The following ADAM20 variants were observed in gnomAD, a reference collection of about 807,000 sequenced individuals.
ADAM20 encodes ADAM metallopeptidase domain 20.
For missense variants in ADAM20, 871 were observed against 883.2 expected (o/e 0.99, Z 0.18); for synonymous variants, 305 against 310.2 (o/e 0.98, Z 0.18).
chr14:70,525,203 TG>T (rs1883563177), intron 1 of ADAM20, among the ~76,000 whole-genome samples: 1 of 152,116 alleles, frequency 6.6e-6, no homozygotes, highest in African/African-American at 2.4e-5. Context: ...TTTTAATGTA[TG>T]TATTTCTTTT....
chr14:70,571,932 A>C, the ADAM20 span, among the ~76,000 whole-genome samples: 3 of 152,346 alleles, frequency 2.0e-5, no homozygotes, highest in Middle Eastern at 6.8e-3. Context: ...AGAAGGCGAA[A>C]GACCTCTACA....
At chr14:70,528,118 A>G (rs922421245) in intron 1 of ADAM20, among the ~76,000 whole-genome samples, 1 of 152,240 alleles carries the variant, frequency 6.6e-6, no homozygotes, top group African/African-American at 2.4e-5. Context: ...AGAAAAATAT[A>G]GCAGAAATAT....
At position 70,524,460 on chromosome 14, in the gene ADAM20, G is replaced by C. The variant is rs1883538670; in HGVS notation, c.298C>G (p.Gln100Glu). 6.2e-7 allele frequency: 1 copy of C among 1,613,846 alleles called. No homozygotes were observed. Among genetic ancestry groups the C allele is most frequent in the Non-Finnish European group, 8.5e-7 (1 of 1,179,922 alleles). ...TCATCCTGGATGAAGGGCTGATCCT[G>C]GAGCAGGGCATGCTGCTCTGTGTAG... ...FTYTEQHALLQDQPFIQDDCY... is the reference protein window; with the variant it reads ...FTYTEQHALLEDQPFIQDDCY... Residue 100 changes from glutamine to glutamate, a missense_variant, in exon 2 of 2, where the codon CAG becomes GAG. Physicochemically the swap from Gln to Glu is conservative, Grantham distance 29. Coordinates refer to ENST00000256389, the MANE Select transcript of ADAM20 (RefSeq NM_003814.5).
At chr14:70,579,287 AAT>A in the ADAM20 span, among the ~76,000 whole-genome samples, 1 of 152,142 alleles carries the variant, frequency 6.6e-6, no homozygotes, top group Admixed American at 6.6e-5. Flanking sequence ...GTGCAGAAAT[AAT>A]TTACATTCCC....
the ADAM20 span, among the ~76,000 whole-genome samples, chr14:70,574,914 C>T: frequency 6.6e-6 from 1 of 151,636 alleles, no homozygotes; most frequent in Non-Finnish European, 1.5e-5. Context: ...GGGCATTATG[C>T]TAAGTAAAAA....
chr14:70,575,049 C>T, the ADAM20 span, among the ~76,000 whole-genome samples: 1 of 151,796 alleles, frequency 6.6e-6, no homozygotes, highest in African/African-American at 2.4e-5. Flanking sequence ...GGGGAAGAAA[C>T]ATGAAATTGT....
At position 70,523,132 on chromosome 14, in the gene ADAM20, A is replaced by G; in HGVS notation, c.1626T>C (p.Gly542=). The G allele has an allele frequency of 6.2e-7, 1 of 1,614,004 alleles. No homozygotes were observed. The highest frequency in any genetic ancestry group is 8.5e-7 in the Non-Finnish European group (1 of 1,179,946). ...ATGTTGTGCCTACAATACCACAGTG[A>G]CCGAAACGGTTTCCTTGGGTGTTGA... is the stretch of plus-strand genomic sequence containing the variant. ...QEINTQGNRF[G]HCGIVGTTYV... Residue 542 remains glycine, a synonymous_variant, in exon 2 of 2, where the codon GGT becomes GGC. Transcript: ENST00000256389.
At chr14:70,544,848 CATT>C in the ADAM20 span, among the ~76,000 whole-genome samples, 2 of 151,842 alleles carry the variant, frequency 1.3e-5, no homozygotes, top group African/African-American at 2.4e-5. Context: ...AAATTTTCAA[CATT>C]AATAGATGTT....
At chr14:70,554,260 C>T in the ADAM20 span, among the ~76,000 whole-genome samples, 4 of 151,982 alleles carry the variant, frequency 2.6e-5, no homozygotes, top group Non-Finnish European at 2.9e-5. Flanking sequence ...GAAATGGAGC[C>T]CTTGTACGCT....
chr14:70,570,275 A>AG, the ADAM20 span, among the ~76,000 whole-genome samples: 2 of 152,182 alleles, frequency 1.3e-5, no homozygotes, highest in African/African-American at 4.8e-5. Context: ...AAAAAAAGAA[A>AG]GAAATATTAG....
chr14:70,577,841 AGC>A, the ADAM20 span, among the ~76,000 whole-genome samples: 2 of 152,182 alleles, frequency 1.3e-5, no homozygotes, highest in African/African-American at 4.8e-5. Context: ...CAAAAGAACA[AGC>A]TGGACTCTTA....
chr14:70,568,336 T>C, the ADAM20 span, among the ~76,000 whole-genome samples: 1 of 151,040 alleles, frequency 6.6e-6, no homozygotes, highest in African/African-American at 2.5e-5. Flanking sequence ...ATACACAACA[T>C]ACACCACAGT....
chr14:70,569,885 C>CAAAAAAAAAA, the ADAM20 span, among the ~76,000 whole-genome samples: 9 of 76,186 alleles, frequency 1.2e-4, no homozygotes, highest in Non-Finnish European at 1.9e-4. Flanking sequence ...AGAAAACTAA[C>CAAAAAAAAAA]AAAAAAAAAA....
Position 70,523,770 on chromosome 14 carries a change from C to T in ADAM20, c.988G>A (p.Asp330Asn), listed in dbSNP as rs778386095. The change falls in exon 2 of 2, where the codon GAC (aspartate) becomes AAC (asparagine). Residue 330 changes from aspartate (D) to asparagine (N), a missense_variant. Coordinates refer to ENST00000256389, the MANE Select transcript of ADAM20 (RefSeq NM_003814.5). ...ATTGCAAAAACGACCAACCTGTTGT[C>T]TTCAAAAACATCAACTCCAGTATTA... Reference protein sequence around the residue: ...PFNTGVDVFEDNRLVVFAITL... With the variant: ...PFNTGVDVFENNRLVVFAITL... 6.2e-7 allele frequency: 1 copy of T among 1,614,054 alleles called. No individual in the cohort carries two copies. Among genetic ancestry groups the T allele is most frequent in the Non-Finnish European group, 8.5e-7 (1 of 1,179,966 alleles).
At chr14:70,525,727 T>C (rs1354663287) in intron 1 of ADAM20, among the ~76,000 whole-genome samples, 2 of 152,150 alleles carry the variant, frequency 1.3e-5, no homozygotes, top group African/African-American at 2.4e-5. Context: ...AAATTGATAG[T>C]CAAAAAAGCC....
chr14:70,577,563 A>G, the ADAM20 span, among the ~76,000 whole-genome samples: 2 of 152,330 alleles, frequency 1.3e-5, no homozygotes, highest in Admixed American at 1.3e-4. Flanking sequence ...CTTGAAAGAA[A>G]AATGGTTGGC....
chr14:70,525,047 T>A, intron 1 of ADAM20, 114 bp from the exon 2 acceptor site: 1 of 917,016 alleles, frequency 1.1e-6, no homozygotes, highest in Non-Finnish European at 1.6e-6. Context: ...GCATTAGGAT[T>A]CTCTTAATAC....
intron 1 of ADAM20, among the ~76,000 whole-genome samples, chr14:70,526,217 G>A (rs1437662846): frequency 1.3e-5 from 2 of 152,168 alleles, no homozygotes; most frequent in Admixed American, 6.5e-5. Flanking sequence ...AAATCAAAAT[G>A]TTAAAACAAA....
intron 1 of ADAM20, among the ~76,000 whole-genome samples, chr14:70,534,065 A>C (rs1883773447): frequency 1.5e-5 from 2 of 131,536 alleles, no homozygotes; most frequent in Admixed American, 1.6e-4. Context: ...TCTGGGCGAG[A>C]GAGCAAGACC....
Sources: allele counts gnomAD v4.1 joint callset (sites outside exome capture counted in the v4.1 genomes callset), GRCh38; gene constraint gnomAD v4.1.1; transcripts MANE v1.5; gene names NCBI Gene and HGNC (gene_info 2026-07-23, HGNC 2026-07-21).